Variants in CDH12 observed in about 807,000 individuals in gnomAD.
The protein encoded by CDH12 is cadherin 12.
Under a neutral mutation model 74.1 loss-of-function variants are expected in CDH12, and 41 were observed. The ratio of observed to expected loss-of-function variants is 0.55; its 90% CI spans 0.43 to 0.72. The LOEUF is 0.72. Among genes scored for constraint, CDH12 ranks in the 30% least tolerant of loss-of-function variants. CDH12 has a pLI of 0.00. For missense variants in CDH12, 945 were observed against 977.2 expected (o/e 0.97, Z 0.44); for synonymous variants, 399 against 355.0 (o/e 1.12, Z -1.39).
rs529400621 is a variant in CDH12, at chr5:22,629,892, T to TA, written c.-522-124529dup. On this transcript the variant is annotated intron_variant, in intron 1 of 14. Transcript: ENST00000382254. Reference sequence around the variant, plus strand: ...TCTGCCTAAAAGCTCCTAGGTCTGATAAAAAAACCTCAGCAAAATTTCAGA... The same window carrying TA: ...TCTGCCTAAAAGCTCCTAGGTCTGATAAAAAAAACCTCAGCAAAATTTCAGA... 4.5e-3 allele frequency among the ~76,000 whole-genome samples: 684 copies of TA among 152,110 alleles called. 3 individuals are homozygous for TA. Among genetic ancestry groups the TA allele is most frequent in the Middle Eastern group, 0.017 (5 of 294 alleles).
chr5:22,301,613 AT>A (rs1388260603), intron 3 of CDH12, among the ~76,000 whole-genome samples: 1 of 151,798 alleles, frequency 6.6e-6, no homozygotes, highest in South Asian at 2.1e-4. Flanking sequence ...TAAAACAAAC[AT>A]TTTTCATCCC....
chr5:22,037,024 TGA>T lies in CDH12; in HGVS notation c.231+41420_231+41421del, dbSNP rs1739238325. On this transcript the variant is annotated intron_variant, in intron 5 of 14. Coordinates refer to ENST00000382254, the MANE Select transcript of CDH12 (RefSeq NM_004061.5). ...CTCTAAAATTGAAAATGGAGAGAAC[TGA>T]GAGTACAAGGAGAAGAAACAAAATT... Among the ~76,000 whole-genome samples, 3 of 152,122 alleles carry T rather than the reference TGA, an allele frequency of 2.0e-5. No individual in the cohort carries two copies. In the South Asian group the frequency reaches 6.2e-4, roughly 32 times the overall value.
At chr5:21,870,666 T>G (rs1663719236) in intron 6 of CDH12, among the ~76,000 whole-genome samples, 1 of 152,242 alleles carries the variant, frequency 6.6e-6, no homozygotes, top group Non-Finnish European at 1.5e-5. Context: ...TTGCTTAGAT[T>G]CATAAATGGC....
At position 22,642,929 on chromosome 5, in the gene CDH12, G is replaced by A. The variant is rs546774982; in HGVS notation, c.-522-137565C>T. On this transcript the variant is annotated intron_variant, in intron 1 of 14. Coordinates refer to ENST00000382254, the MANE Select transcript of CDH12 (RefSeq NM_004061.5). ...GTCTCTAGAATTGACTTGACTTTTC[G>A]TTACTGTGCAAGTGAATGGGGTTCT... is the stretch of plus-strand genomic sequence containing the variant. Among the ~76,000 whole-genome samples, 10 of 151,994 alleles carry A rather than the reference G, an allele frequency of 6.6e-5. 1 individual carries two copies. The East Asian group carries it at 9.7e-4, about 15-fold the overall frequency.
At chr5:22,161,191 C>T (rs546607540) in intron 4 of CDH12, among the ~76,000 whole-genome samples, 6 of 152,242 alleles carry the variant, frequency 3.9e-5, no homozygotes, top group African/African-American at 1.4e-4. Context: ...GATTGCTAAC[C>T]CCAATGACCT....
At chr5:22,076,861 T>C (rs566747889) in intron 5 of CDH12, among the ~76,000 whole-genome samples, 2 of 152,016 alleles carry the variant, frequency 1.3e-5, no homozygotes, top group South Asian at 2.1e-4. Flanking sequence ...GCTGGAAATG[T>C]TTGGGTCTCA....
At chr5:22,669,657 A>G (rs1174917024) in intron 1 of CDH12, among the ~76,000 whole-genome samples, 1 of 152,226 alleles carries the variant, frequency 6.6e-6, no homozygotes, top group Non-Finnish European at 1.5e-5. Flanking sequence ...ACCTGCAGAT[A>G]TATGGCAATG....
At chr5:22,692,498 C>T (rs79504504) in intron 1 of CDH12, among the ~76,000 whole-genome samples, 4 of 151,156 alleles carry the variant, frequency 2.6e-5, no homozygotes, top group Admixed American at 2.6e-4. Context: ...ATGTTAGGTG[C>T]AATATATTAA....
chr5:22,612,404 T>C (rs1267355931), intron 1 of CDH12, among the ~76,000 whole-genome samples: 5 of 152,282 alleles, frequency 3.3e-5, no homozygotes, highest in African/African-American at 9.6e-5. Context: ...TACTACATAA[T>C]ATCACTTTAG....
At chr5:21,965,358 C>A (rs1267289790) in intron 6 of CDH12, among the ~76,000 whole-genome samples, 2 of 151,992 alleles carry the variant, frequency 1.3e-5, no homozygotes, top group Non-Finnish European at 2.9e-5. Context: ...CGGCTGCCAC[C>A]AATTGCTTTC....
chr5:22,207,112 G>A (rs1270803886), intron 4 of CDH12, among the ~76,000 whole-genome samples: 1 of 151,100 alleles, frequency 6.6e-6, no homozygotes, highest in Non-Finnish European at 1.5e-5. Context: ...CCAGCTACTC[G>A]GGAGGCTAAG....
At chr5:21,764,530 T>TGGTGG (rs1355903774) in intron 12 of CDH12, among the ~76,000 whole-genome samples, 1 of 150,710 alleles carries the variant, frequency 6.6e-6, no homozygotes, top group Non-Finnish European at 1.5e-5. Flanking sequence ...ATGCCTATAA[T>TGGTGG]CCCAGCTACT....
intron 5 of CDH12, among the ~76,000 whole-genome samples, chr5:22,021,231 C>G (rs1473712289): frequency 6.6e-6 from 1 of 152,104 alleles, no homozygotes; most frequent in Non-Finnish European, 1.5e-5. Context: ...GCATTAAGTA[C>G]TTATGTTTGG....
At chr5:22,750,001 G>A (rs752023108) in intron 1 of CDH12, among the ~76,000 whole-genome samples, 6 of 152,074 alleles carry the variant, frequency 3.9e-5, no homozygotes, top group Middle Eastern at 3.4e-3. Flanking sequence ...TTCCTTAACC[G>A]TTTAGTCTTG....
intron 1 of CDH12, among the ~76,000 whole-genome samples, chr5:22,751,202 G>A (rs1745553305): frequency 6.6e-6 from 1 of 151,424 alleles, no homozygotes; most frequent in Non-Finnish European, 1.5e-5. Flanking sequence ...CGGCAAGATA[G>A]GAGGAAATGT....
Position 21,854,764 on chromosome 5 carries a change from T to C in CDH12, c.553A>G (p.Thr185Ala), listed in dbSNP as rs375737041. 5 of 1,609,928 alleles carry C rather than the reference T, an allele frequency of 3.1e-6. No individual in the cohort carries two copies. Among genetic ancestry groups the C allele is most frequent in the Non-Finnish European group, 3.4e-6 (4 of 1,177,378 alleles). Residue 185 changes from threonine to alanine, a missense_variant, in exon 7 of 15, where the codon ACA (threonine) becomes GCA (alanine). By Grantham distance (58) the Thr-to-Ala change is moderately conservative. Transcript: ENST00000382254. ...VGAYVLQVKA[T>A]DADDPTYGNS... ...CCATAGGTCGGGTCATCTGCATCTG[T>C]GGCCTTGACCTGGAGTACATATGCA...
intron 1 of CDH12, among the ~76,000 whole-genome samples, chr5:22,702,509 T>C (rs1742768984): frequency 6.6e-6 from 1 of 152,062 alleles, no homozygotes; most frequent in South Asian, 2.1e-4. Flanking sequence ...GAAAGTCTCC[T>C]CTTCTCTTGG....
intron 1 of CDH12, among the ~76,000 whole-genome samples, chr5:22,549,458 T>A (rs904003259): frequency 2.6e-5 from 4 of 152,192 alleles, no homozygotes; most frequent in Admixed American, 1.3e-4. Context: ...CAATTCATGT[T>A]TATCACAGCC....
intron 10 of CDH12, among the ~76,000 whole-genome samples, chr5:21,792,183 C>T (rs1746536263): frequency 6.6e-6 from 1 of 151,836 alleles, no homozygotes; most frequent in African/African-American, 2.4e-5. Context: ...TTACTGAGTA[C>T]CTAAGCCACC....
Sources: allele counts gnomAD v4.1 joint callset (sites outside exome capture counted in the v4.1 genomes callset), GRCh38; gene constraint gnomAD v4.1.1; transcripts MANE v1.5; gene names NCBI Gene and HGNC (gene_info 2026-07-23, HGNC 2026-07-21).